The following MYO5B variants were observed in gnomAD, a reference collection of about 807,000 sequenced individuals.
MYO5B encodes the protein unconventional myosin-Vb.
Under a neutral mutation model 229.3 loss-of-function variants are expected in MYO5B, and 143 were observed. The observed-to-expected ratio is 0.62, with a 90% confidence interval of 0.54 to 0.72. The LOEUF is 0.72. Among genes scored for constraint, MYO5B ranks in the 30% least tolerant of loss-of-function variants. MYO5B has a pLI of 0.00. For missense variants in MYO5B, 2,321 were observed against 2,331.0 expected (o/e 1.00, Z 0.09); for synonymous variants, 918 against 885.2 (o/e 1.04, Z -0.66).
chr18:50,102,514 G>C (rs16951527), intron 1 of MYO5B, among the ~76,000 whole-genome samples: 6,510 of 152,192 alleles, frequency 0.043, 145 homozygotes, highest in African/African-American at 0.053. Context: ...AGCTAGAAAT[G>C]CAAGAGTGGC....
Position 49,974,514 on chromosome 18 carries a change from C to G in MYO5B, c.1158G>C (p.Glu386Asp). 1 of 1,614,162 alleles carries G rather than the reference C, an allele frequency of 6.2e-7. No individual in the cohort carries two copies. The highest frequency in any genetic ancestry group is 8.5e-7 in the Non-Finnish European group (1 of 1,180,018). ...GCAGGGACATGGTCTTGACGTAGGT[C>G]TCCGAGGTGGTGACCAGCTTGCGAT... is the stretch of plus-strand genomic sequence containing the variant. ...LCHRKLVTTSETYVKTMSLQQ... is the reference protein window; with the variant it reads ...LCHRKLVTTSDTYVKTMSLQQ... The change falls in exon 10 of 40, where the codon GAG (glutamate) becomes GAC (aspartate). Residue 386 changes from glutamate to aspartate, a missense_variant. Glu to Asp is a conservative substitution (Grantham distance 45, BLOSUM62 2). This residue lies in a region of MYO5B where 2,113 missense variants were observed against 2,044.7 expected (regional missense o/e 1.03). Transcript: ENST00000285039.
At chr18:50,034,623 A>G (rs898530122) in intron 4 of MYO5B, among the ~76,000 whole-genome samples, 28 of 152,210 alleles carry the variant, frequency 1.8e-4, no homozygotes, top group African/African-American at 6.3e-4. Context: ...AGGCACCTAT[A>G]ATCCCAGTTA....
chr18:49,897,122 T>C (rs960623025), intron 21 of MYO5B, among the ~76,000 whole-genome samples: 8 of 152,162 alleles, frequency 5.3e-5, no homozygotes, highest in African/African-American at 1.9e-4. Context: ...CATCCAGATA[T>C]TGTCACTGGG....
chr18:50,057,504 C>T (rs2030579962), intron 1 of MYO5B, among the ~76,000 whole-genome samples: 1 of 151,870 alleles, frequency 6.6e-6, no homozygotes, highest in Admixed American at 6.6e-5. Flanking sequence ...AGTCCCAGCT[C>T]AGCCAAGGAC....
At chr18:50,081,510 T>C (rs2031220053) in intron 1 of MYO5B, among the ~76,000 whole-genome samples, 2 of 152,174 alleles carry the variant, frequency 1.3e-5, no homozygotes, top group African/African-American at 4.8e-5. Context: ...GAGAAACATC[T>C]TCATTGTGAA....
In MYO5B at chr18:50,040,166, G is replaced by A; in HGVS notation, c.287C>T (p.Ser96Phe). 6.2e-7 allele frequency: 1 copy of A among 1,614,096 alleles called. No individual in the cohort carries two copies. The highest frequency in any genetic ancestry group is 1.1e-5 in the South Asian group (1 of 91,054). Residue 96 changes from serine (S) to phenylalanine (F), a missense_variant, in exon 3 of 40, where the codon TCC becomes TTC. Physicochemically the swap from Ser to Phe is radical, Grantham distance 155. Around this residue, in one of 2 missense-constraint regions of MYO5B, gnomAD observed 2,113 missense variants for 2,044.7 expected, o/e 1.03. Transcript: ENST00000285039. The part of the protein sequence containing the change: ...LHNLKVRFLE[S>F]NHIYTYCGIV... The stretch of plus-strand genomic sequence containing the variant: ...ACCACAGTAAGTGTAGATATGGTTG[G>A]ACTCCAGGAAACGGACCTTCAAATT...
In MYO5B at chr18:49,875,683, GTACCT is replaced by G; in HGVS notation, c.3536_3537+3del. Reference sequence around the variant, plus strand: ...CATAAGAGCACTGCAGCCCCTTCACGTACCTGGACTTTCTTGCTGTCCTGCTGTTC... The same window carrying G: ...CATAAGAGCACTGCAGCCCCTTCACGGGACTTTCTTGCTGTCCTGCTGTTC... On this transcript the variant is annotated splice_donor_variant and splice_donor_region_variant and coding_sequence_variant and intron_variant, in exon 26 of 40. Transcript: ENST00000285039. LOFTEE classifies it high-confidence loss of function. 1.2e-6 allele frequency: 2 copies of G among 1,614,018 alleles called. No homozygotes were observed. The highest frequency in any genetic ancestry group is 1.7e-6 in the Non-Finnish European group (2 of 1,179,978).
intron 1 of MYO5B, among the ~76,000 whole-genome samples, chr18:50,184,804 T>C (rs8093259): frequency 0.074 from 11,267 of 151,890 alleles, 582 homozygotes; most frequent in African/African-American, 0.14. Context: ...TTTGGGAGGC[T>C]GAGGTGGGAG....
intron 2 of MYO5B, among the ~76,000 whole-genome samples, chr18:50,041,477 T>A (rs1486069280): frequency 6.6e-6 from 1 of 152,082 alleles, no homozygotes; most frequent in Non-Finnish European, 1.5e-5. Context: ...TCAAGTGTAG[T>A]AGATACAGAA....
chr18:50,122,020 C>A (rs2032065697), intron 1 of MYO5B, among the ~76,000 whole-genome samples: 1 of 152,256 alleles, frequency 6.6e-6, no homozygotes, highest in Non-Finnish European at 1.5e-5. Flanking sequence ...GTCAAATAGG[C>A]AGGACTGAAC....
Position 50,102,224 on chromosome 18 carries a change from G to T in MYO5B, c.28-46846C>A, listed in dbSNP as rs77955041. Among the ~76,000 whole-genome samples, 5 of 152,226 alleles carry T rather than the reference G, an allele frequency of 3.3e-5. No individual in the cohort carries two copies. In the East Asian group the frequency reaches 9.7e-4, roughly 30 times the overall value. On this transcript the variant is annotated intron_variant, in intron 1 of 39. Coordinates refer to ENST00000285039, the MANE Select transcript of MYO5B (RefSeq NM_001080467.3). ...CTAGAACAGATGGACACAAGGAGGG[G>T]AACAACATACACTGAGAACTGTTGT...
At chr18:49,855,084 G>A (rs939255874) in intron 30 of MYO5B, among the ~76,000 whole-genome samples, 2 of 152,200 alleles carry the variant, frequency 1.3e-5, no homozygotes, top group African/African-American at 4.8e-5. Context: ...ACAGCATTTA[G>A]ATAATATCCA....
intron 16 of MYO5B, among the ~76,000 whole-genome samples, chr18:49,930,792 T>C (rs2025181163): frequency 6.6e-6 from 1 of 151,358 alleles, no homozygotes; most frequent in Non-Finnish European, 1.5e-5. Context: ...CTCGGGAGGC[T>C]GAGGCAGAAG....
intron 1 of MYO5B, among the ~76,000 whole-genome samples, chr18:50,166,873 A>G (rs529658308): frequency 2.0e-5 from 3 of 152,354 alleles, no homozygotes; most frequent in African/African-American, 7.2e-5. Flanking sequence ...AACCAAGTAT[A>G]TAACATTTTA....
At chr18:49,912,270 C>T in intron 17 of MYO5B, 97 bp from the exon 18 acceptor site, 1 of 898,114 alleles carries the variant, frequency 1.1e-6, no homozygotes, top group South Asian at 1.3e-5. Flanking sequence ...GGGGTCAACA[C>T]TGTGGCACAA....
intron 2 of MYO5B, among the ~76,000 whole-genome samples, chr18:50,046,529 T>C (rs2030231899): frequency 6.6e-6 from 1 of 152,192 alleles, no homozygotes; most frequent in South Asian, 2.1e-4. Flanking sequence ...GGTCCATGGA[T>C]GCAGGGGTTT....
At chr18:50,107,221 C>T (rs2031778879) in intron 1 of MYO5B, among the ~76,000 whole-genome samples, 1 of 143,484 alleles carries the variant, frequency 7.0e-6, no homozygotes, top group Non-Finnish European at 1.5e-5. Flanking sequence ...CCAGGTGGCA[C>T]TTGAAAGTGA....
chr18:50,009,620 C>T (rs1417621143), intron 4 of MYO5B, among the ~76,000 whole-genome samples: 3 of 152,128 alleles, frequency 2.0e-5, no homozygotes, highest in Non-Finnish European at 4.4e-5. Flanking sequence ...GTTAAGATAG[C>T]AGTCAAGTCA....
intron 7 of MYO5B, among the ~76,000 whole-genome samples, chr18:49,985,467 A>G (rs555884038): frequency 6.6e-6 from 1 of 152,354 alleles, no homozygotes; most frequent in African/African-American, 2.4e-5. Flanking sequence ...CAAGCTTAGA[A>G]GAGGACACAA....
Sources: gnomAD v4.1 joint callset for allele counts (sites outside exome capture counted in the v4.1 genomes callset) on GRCh38, gnomAD v4.1.1 for gene constraint, gnomAD v4.1.1 regional missense constraint, MANE v1.5 for transcripts, NCBI Gene and HGNC (gene_info 2026-07-23, HGNC 2026-07-21) for gene names.